ADARB2: variants seen among roughly 807,000 people sequenced by gnomAD.
ADARB2 encodes the protein inactive double-stranded RNA-specific editase B2.
ADARB2 carries 25 observed loss-of-function variants against 62.2 expected under a neutral mutation model. The ratio of observed to expected loss-of-function variants is 0.40; its 90% confidence interval spans 0.29 to 0.56. The LOEUF (loss-of-function observed/expected upper bound fraction) is 0.56, where lower values mean the gene tolerates loss of function less well. Ranked by LOEUF, ADARB2 falls within the 20% of genes least tolerant of loss-of-function variation. The pLI, the probability that ADARB2 is intolerant of heterozygous loss-of-function variation, is 0.43. For missense variants in ADARB2, 1,071 were observed against 1,077.4 expected, an observed-to-expected ratio of 0.99 and a Z score of 0.08; for synonymous variants, 572 against 500.8, an observed-to-expected ratio of 1.14 and a Z score of -1.90.
At chr10:1,672,566 C>G (rs891274759) in intron 1 of ADARB2, among the ~76,000 whole-genome samples, 2 of 148,630 alleles carry the variant, frequency 1.3e-5, no homozygotes, top group African/African-American at 2.4e-5. Context: ...CCTGCCTCCC[C>G]CCATGCACGC....
At chr10:1,696,051 C>A (rs904457240) in intron 1 of ADARB2, among the ~76,000 whole-genome samples, 1 of 151,988 alleles carries the variant, frequency 6.6e-6, no homozygotes, top group African/African-American at 2.4e-5. Context: ...CATATACATG[C>A]ACACACATGC....
At chr10:1,482,434 AC>A (rs553120561) in intron 1 of ADARB2, among the ~76,000 whole-genome samples, 52 of 152,226 alleles carry the variant, frequency 3.4e-4, no homozygotes, top group Non-Finnish European at 6.5e-4. Context: ...CCATGAAAGG[AC>A]AAATCCTGTG....
chr10:1,664,707 G>C (rs1834292931), intron 1 of ADARB2, among the ~76,000 whole-genome samples: 1 of 152,160 alleles, frequency 6.6e-6, no homozygotes, highest in Non-Finnish European at 1.5e-5. Flanking sequence ...GGGAGATGAA[G>C]TAACTTCTCA....
chr10:1,242,380 C>T, intron 4 of ADARB2, 81 bp from the exon 5 acceptor site: 1 of 1,444,982 alleles, frequency 6.9e-7, no homozygotes, highest in South Asian at 1.4e-5. Context: ...GGTCTCACAA[C>T]AGCGGTTTCC....
intron 1 of ADARB2, among the ~76,000 whole-genome samples, chr10:1,480,662 C>A (rs1264760368): frequency 1.2e-5 from 1 of 81,898 alleles, no homozygotes; most frequent in Non-Finnish European, 2.8e-5. Flanking sequence ...TGTGCCCCTG[C>A]ACTCCAACCT....
At chr10:1,331,602 A>G (rs963004238) in intron 3 of ADARB2, among the ~76,000 whole-genome samples, 7 of 152,232 alleles carry the variant, frequency 4.6e-5, no homozygotes, top group African/African-American at 7.2e-5. Flanking sequence ...AAATGCTAAC[A>G]GGTTTGTTGT....
At chr10:1,616,417 T>C (rs1252475969) in intron 1 of ADARB2, among the ~76,000 whole-genome samples, 1 of 151,930 alleles carries the variant, frequency 6.6e-6, no homozygotes, top group Non-Finnish European at 1.5e-5. Context: ...TCCTGGGAAC[T>C]GGCCTCAGAG....
At chr10:1,366,434 C>G (rs990469338) in intron 2 of ADARB2, among the ~76,000 whole-genome samples, 1 of 152,146 alleles carries the variant, frequency 6.6e-6, no homozygotes. Flanking sequence ...GGGTTTACTA[C>G]AAAATACTCT....
intron 1 of ADARB2, among the ~76,000 whole-genome samples, chr10:1,474,277 A>T (rs1326671477): frequency 6.6e-6 from 1 of 152,058 alleles, no homozygotes; most frequent in Admixed American, 6.5e-5. Context: ...CGAGGGTAAA[A>T]CTCGTTCCCG....
chr10:1,582,374 C>A (rs1833116147), intron 1 of ADARB2, among the ~76,000 whole-genome samples: 1 of 152,200 alleles, frequency 6.6e-6, no homozygotes, highest in Non-Finnish European at 1.5e-5. Flanking sequence ...TGACCCACAG[C>A]TGGTAGATCC....
At chr10:1,486,692 AT>A (rs1410718956) in intron 1 of ADARB2, among the ~76,000 whole-genome samples, 1 of 152,198 alleles carries the variant, frequency 6.6e-6, no homozygotes, top group African/African-American at 2.4e-5. Flanking sequence ...ACGGCCAGCC[AT>A]CAGCATCAGC....
At chr10:1,276,193 A>G (rs1259690501) in intron 3 of ADARB2, among the ~76,000 whole-genome samples, 2 of 152,090 alleles carry the variant, frequency 1.3e-5, no homozygotes, top group South Asian at 2.1e-4. Context: ...TTTAATGATC[A>G]CCATTCTAAC....
At chr10:1,271,615 CGAA>C (rs1378427232) in intron 3 of ADARB2, among the ~76,000 whole-genome samples, 1 of 152,018 alleles carries the variant, frequency 6.6e-6, no homozygotes, top group African/African-American at 2.4e-5. Flanking sequence ...CGTGCACACA[CGAA>C]TATGCACACA....
rs1028804782 is a variant in ADARB2 at position 1,698,306 on chromosome 10, C to T, written c.100+38745G>A. On this transcript the variant is annotated intron_variant, in intron 1 of 9. Coordinates refer to ENST00000381312, the MANE Select transcript of ADARB2 (RefSeq NM_018702.4). Reference sequence around the variant, plus strand: ...GTGCGGGACACGGAACATTGCCACCCGTGGAATGAGGAATAGAGCTTGGAG... The same window carrying T: ...GTGCGGGACACGGAACATTGCCACCTGTGGAATGAGGAATAGAGCTTGGAG... 9.8e-5 allele frequency among the ~76,000 whole-genome samples: 15 copies of T among 152,290 alleles called. No homozygotes were observed. In the East Asian group the frequency reaches 2.1e-3, roughly 22 times the overall value.
At chr10:1,223,132 A>G (rs1830710144) in intron 6 of ADARB2, among the ~76,000 whole-genome samples, 1 of 152,026 alleles carries the variant, frequency 6.6e-6, no homozygotes, top group African/African-American at 2.4e-5. Context: ...GGTCCTTCAC[A>G]TCCCTTGTAA....
chr10:1,259,354 C>T (rs543435189), intron 4 of ADARB2, among the ~76,000 whole-genome samples: 142 of 152,204 alleles, frequency 9.3e-4, no homozygotes, highest in Non-Finnish European at 1.5e-3. Flanking sequence ...ATTAATGAAT[C>T]CAGGAGCTGG....
chr10:1,188,601 C>A (rs1215254896), intron 8 of ADARB2, among the ~76,000 whole-genome samples: 3 of 131,174 alleles, frequency 2.3e-5, no homozygotes, highest in African/African-American at 8.7e-5. Flanking sequence ...TTTTTTTTTT[C>A]TTCTACCTTC....
intron 6 of ADARB2, among the ~76,000 whole-genome samples, chr10:1,227,502 G>C (rs939593955): frequency 4.6e-5 from 7 of 152,198 alleles, no homozygotes; most frequent in Non-Finnish European, 8.8e-5. Context: ...CGTCGCTCAC[G>C]CTGGGAGCTG....
intron 1 of ADARB2, among the ~76,000 whole-genome samples, chr10:1,532,878 G>A (rs1475069243): frequency 6.6e-6 from 1 of 152,092 alleles, no homozygotes; most frequent in Admixed American, 6.5e-5. Flanking sequence ...TTGATAATGA[G>A]GCCCATCTGA....
Sources: allele counts gnomAD v4.1 joint callset (sites outside exome capture counted in the v4.1 genomes callset), GRCh38; gene constraint gnomAD v4.1.1; transcripts MANE v1.5; gene names NCBI Gene and HGNC (gene_info 2026-07-23, HGNC 2026-07-21).